The following WDFY3 variants were observed in gnomAD, a reference collection of about 807,000 sequenced individuals.
WDFY3 encodes the protein WD repeat and FYVE domain containing 3.
WDFY3 carries 66 observed loss-of-function variants against 409.6 expected under a neutral mutation model. The observed-to-expected ratio is 0.16, with a 90% CI of 0.13 to 0.20. The LOEUF (loss-of-function observed/expected upper bound fraction) is 0.20. WDFY3 is among the 10% of genes least tolerant of loss of function. The pLI, the probability that WDFY3 is intolerant of heterozygous loss-of-function variation, is 1.00. For missense variants in WDFY3, 3,031 were observed against 4,298.1 expected, an observed-to-expected ratio of 0.71 and a Z score of 8.24; for synonymous variants, 1,521 against 1,537.1, an observed-to-expected ratio of 0.99 and a Z score of 0.25.
At chr4:84,677,463 CTGGATTTTGGTGGATG>C (rs1282752140) in intron 66 of WDFY3, 67 bp from the exon 67 acceptor site, 1 of 1,448,668 alleles carries the variant, frequency 6.9e-7, no homozygotes, top group Non-Finnish European at 9.2e-7. Context: ...TTGAGGCTCT[CTGGATTTTGGTGGATG>C]TGTGTTTTGA....
At chr4:84,955,364 T>A (rs922573601) in intron 1 of WDFY3, among the ~76,000 whole-genome samples, 7 of 152,170 alleles carry the variant, frequency 4.6e-5, no homozygotes, top group African/African-American at 1.7e-4. Flanking sequence ...GTGGAAACAA[T>A]CAGCCATTTG....
At chr4:84,875,756 A>G (rs1432702847) in intron 3 of WDFY3, among the ~76,000 whole-genome samples, 1 of 152,214 alleles carries the variant, frequency 6.6e-6, no homozygotes, top group African/African-American at 2.4e-5. Context: ...ACCAACACAC[A>G]TATTAGCCAA....
chr4:84,696,060 C>T lies in WDFY3; in HGVS notation c.8811G>A (p.Glu2937=), dbSNP rs754743766. ...AVNVFHHLFY[E]GQVDIYNIND... is the part of the protein sequence containing the mutation. ...TGATGTTGTAGATATCCACTTGACCCTCATAAAAAAGATGATGGAAGACAT... is the reference window on the plus strand; with the variant it reads ...TGATGTTGTAGATATCCACTTGACCTTCATAAAAAAGATGATGGAAGACAT... The change falls in exon 58 of 68, where the codon GAG becomes GAA. Residue 2937 remains glutamate, a synonymous_variant. Transcript: ENST00000295888. The T allele has an allele frequency of 8.1e-5, 130 of 1,613,984 alleles. No individual in the cohort carries two copies. Among genetic ancestry groups the T allele is most frequent in the Non-Finnish European group, 1.1e-4 (124 of 1,180,018 alleles).
chr4:84,822,845 G>A (rs566126175), intron 10 of WDFY3, among the ~76,000 whole-genome samples: 1 of 152,216 alleles, frequency 6.6e-6, no homozygotes, highest in Non-Finnish European at 1.5e-5. Flanking sequence ...TTTATTACAT[G>A]TATGGCAAAT....
rs1725370922 is a variant in WDFY3 at position 84,671,027 on chromosome 4, A to T, written c.*1841T>A. 6.6e-6 allele frequency: 1 copy of T among 152,646 alleles called. No homozygotes were observed. The highest frequency in any genetic ancestry group is 6.5e-5 in the Admixed American group (1 of 15,278). 9.5% of individuals were successfully genotyped at this position (152,646 alleles called of 1,614,324 possible). ...TTAATCAATTTTGATATGTAATCATAAATAGACTGTAGGCTCAAACCCAGG... is the reference window on the plus strand; with the variant it reads ...TTAATCAATTTTGATATGTAATCATTAATAGACTGTAGGCTCAAACCCAGG... On this transcript the variant is annotated 3_prime_UTR_variant, in exon 68 of 68. Coordinates refer to ENST00000295888, the MANE Select transcript of WDFY3 (RefSeq NM_014991.6).
intron 36 of WDFY3, among the ~76,000 whole-genome samples, chr4:84,745,779 G>A (rs906183561): frequency 1.7e-4 from 26 of 152,004 alleles, no homozygotes; most frequent in Middle Eastern, 3.2e-3. Context: ...ATACAATAGC[G>A]AGCAGGAGAC....
intron 44 of WDFY3, among the ~76,000 whole-genome samples, chr4:84,728,399 G>A (rs1355869153): frequency 1.3e-5 from 2 of 151,962 alleles, no homozygotes; most frequent in African/African-American, 4.8e-5. Flanking sequence ...GCATAGTGGT[G>A]CATGACTGTA....
chr4:84,785,534 T>G (rs898952788), intron 24 of WDFY3, among the ~76,000 whole-genome samples: 20 of 152,132 alleles, frequency 1.3e-4, no homozygotes, highest in African/African-American at 4.6e-4. Flanking sequence ...TACTTCATGA[T>G]TAGGTTATTT....
chr4:84,868,954 T>C (rs1405889190), intron 3 of WDFY3, among the ~76,000 whole-genome samples: 1 of 152,230 alleles, frequency 6.6e-6, no homozygotes, highest in Non-Finnish European at 1.5e-5. Context: ...AAATTTTGTA[T>C]AAAAGATTTG....
intron 3 of WDFY3, among the ~76,000 whole-genome samples, chr4:84,861,533 G>C (rs1760631990): frequency 6.6e-6 from 1 of 152,044 alleles, no homozygotes; most frequent in Non-Finnish European, 1.5e-5. Flanking sequence ...ATGATCATGT[G>C]ACTGAAAACT....
intron 56 of WDFY3, among the ~76,000 whole-genome samples, chr4:84,698,292 T>TATATA (rs1269608742): frequency 2.6e-4 from 32 of 120,756 alleles, no homozygotes; most frequent in African/African-American, 6.8e-4. Context: ...ATATATATAT[T>TATATA]TTTTTTTTTT....
chr4:84,949,895 A>G (rs1385639801), intron 1 of WDFY3, among the ~76,000 whole-genome samples: 1 of 152,232 alleles, frequency 6.6e-6, no homozygotes, highest in African/African-American at 2.4e-5. Flanking sequence ...AGAATTCTAA[A>G]TACTGTGGCT....
chr4:84,695,058 G>A (rs1342723716), intron 58 of WDFY3, among the ~76,000 whole-genome samples: 2 of 152,066 alleles, frequency 1.3e-5, no homozygotes, highest in East Asian at 3.9e-4. Context: ...TAGTAAAGGT[G>A]GGTGGCCTCA....
chr4:84,754,552 C>G (rs995223950), intron 34 of WDFY3, among the ~76,000 whole-genome samples: 4 of 152,092 alleles, frequency 2.6e-5, no homozygotes, highest in Admixed American at 2.6e-4. Flanking sequence ...TTCAAGGAGT[C>G]AAGTTAATAT....
intron 3 of WDFY3, among the ~76,000 whole-genome samples, chr4:84,890,344 C>T (rs573800081): frequency 6.6e-6 from 1 of 152,330 alleles, no homozygotes; most frequent in South Asian, 2.1e-4. Context: ...AAGATATCCA[C>T]CTGCCTTGGC....
chr4:84,738,865 T>A, intron 40 of WDFY3, 145 bp downstream of exon 40: 1 of 663,240 alleles, frequency 1.5e-6, no homozygotes, highest in South Asian at 1.9e-5. Flanking sequence ...GTTATTGGCA[T>A]GAGGAGACTC....
intron 3 of WDFY3, among the ~76,000 whole-genome samples, chr4:84,895,221 A>G (rs1765477624): frequency 1.3e-5 from 2 of 152,354 alleles, no homozygotes; most frequent in South Asian, 4.1e-4. Flanking sequence ...TGATGGAAAG[A>G]TAAATCAATC....
Position 84,765,793 on chromosome 4 carries a change from C to T in WDFY3, c.5188+17G>A, listed in dbSNP as rs1159084958. On this transcript the variant is annotated intron_variant, in intron 32 of 67. Transcript: ENST00000295888. Reference sequence around the variant, plus strand: ...CACCAGCTCATTTTCAAGCAGCTGACTAGAAAAGTCCCATACCTAATACAG... The same window carrying T: ...CACCAGCTCATTTTCAAGCAGCTGATTAGAAAAGTCCCATACCTAATACAG... 1 of 1,608,416 alleles carries T rather than the reference C, an allele frequency of 6.2e-7. No homozygotes were observed. Among genetic ancestry groups the T allele is most frequent in the Non-Finnish European group, 8.5e-7 (1 of 1,176,434 alleles).
At chr4:84,821,737 G>A (rs1361461186) in intron 10 of WDFY3, among the ~76,000 whole-genome samples, 186 bp from the exon 11 acceptor site, 1 of 152,056 alleles carries the variant, frequency 6.6e-6, no homozygotes, top group Non-Finnish European at 1.5e-5. Flanking sequence ...AAATAACAAT[G>A]ATTAAAACTT....
Sources: allele counts gnomAD v4.1 joint callset (sites outside exome capture counted in the v4.1 genomes callset), GRCh38; gene constraint gnomAD v4.1.1; transcripts MANE v1.5; gene names NCBI Gene and HGNC (gene_info 2026-07-23, HGNC 2026-07-21).